JPT2: variants seen among roughly 807,000 people sequenced by gnomAD.
JPT2 encodes the protein CRAMP_1 like.
In JPT2, 9 loss-of-function variants were observed where a neutral mutation model predicts 15.9. That is an observed-to-expected ratio of 0.57 (90% CI 0.34 to 0.99). The LOEUF is 0.99. Among genes scored for constraint, JPT2 ranks in the 50% least tolerant of loss-of-function variants. JPT2 has a pLI of 0.02. For missense variants in JPT2, 267 were observed against 252.1 expected, an observed-to-expected ratio of 1.06 and a Z score of -0.40; for synonymous variants, 95 against 91.7, an observed-to-expected ratio of 1.04 and a Z score of -0.21.
chr16:1,689,635 G>GGT (rs1410230779), intron 2 of JPT2: 1 of 152,128 alleles, frequency 6.6e-6, no homozygotes, highest in Non-Finnish European at 1.5e-5. Context: ...TAGAGACAAG[G>GGT]TCTCACTTGT....
intron 3 of JPT2, chr16:1,692,276 G>A: frequency 2.4e-6 from 1 of 416,728 alleles, no homozygotes; most frequent in Non-Finnish European, 4.4e-6. Flanking sequence ...GGGGCGCGGA[G>A]AAGCGGTGGG....
intron 4 of JPT2, 86 bp downstream of exon 4, chr16:1,697,946 A>G (rs1426712415): frequency 1.0e-5 from 13 of 1,274,444 alleles, no homozygotes; most frequent in Middle Eastern, 1.9e-4. Flanking sequence ...AATGAAAAGG[A>G]GTCTTTCTTT....
chr16:1,698,250 G>A lies in JPT2; in HGVS notation c.385+390G>A, dbSNP rs747733246. The stretch of plus-strand genomic sequence containing the variant: ...GGGTGTCTCCATGGTGAGTCACCCC[G>A]GGGGAGTGAGCCACTGCTCAGGTTG... On this transcript the variant is annotated intron_variant, in intron 4 of 4. Coordinates refer to ENST00000248098, the MANE Select transcript of JPT2 (RefSeq NM_144570.3). This position sits in a 1 kb window ranked among gnomAD's most constrained non-coding sequence, Gnocchi z 4.9. Among the ~76,000 whole-genome samples, 5 of 152,182 alleles carry A rather than the reference G, an allele frequency of 3.3e-5. No individual in the cohort carries two copies. The highest frequency in any genetic ancestry group is 2.1e-4 in the South Asian group (1 of 4,828).
At chr16:1,689,272 A>T (rs2037088481) in intron 2 of JPT2, 1 of 151,548 alleles carries the variant, frequency 6.6e-6, no homozygotes, top group South Asian at 2.1e-4. Context: ...AGCCAGGAAC[A>T]TTGCAGTGGG....
rs200551623 is a variant in JPT2 at position 1,698,986 on chromosome 16, C to T, written c.561C>T (p.Ile187=). ...VLNPPGGKSS[I]SFY ...ACCCACCGGGAGGCAAATCCAGCAT[C>T]TCCTTCTACTAAGAGAAGCCACTGC... is the stretch of plus-strand genomic sequence containing the variant. Residue 187 remains isoleucine, a synonymous_variant, in exon 5 of 5, where the codon ATC becomes ATT. Coordinates refer to ENST00000248098, the MANE Select transcript of JPT2 (RefSeq NM_144570.3). The surrounding 1 kb of genome is among the most constrained non-coding windows in gnomAD (Gnocchi z 4.9). 6.8e-6 allele frequency: 11 copies of T among 1,612,526 alleles called. No homozygotes were observed. In the East Asian group the frequency reaches 2.0e-4, roughly 29 times the overall value.
At chr16:1,691,643 G>A (rs2037104007) in intron 2 of JPT2, among the ~76,000 whole-genome samples, 200 bp from the exon 3 acceptor site, 1 of 152,124 alleles carries the variant, frequency 6.6e-6, no homozygotes, top group Non-Finnish European at 1.5e-5. Flanking sequence ...CTGCAGGCAG[G>A]CCCCTGATCC....
chr16:1,694,099 G>T (rs1458969278), intron 3 of JPT2, among the ~76,000 whole-genome samples: 1 of 152,128 alleles, frequency 6.6e-6, no homozygotes, highest in Admixed American at 6.5e-5. Flanking sequence ...TTGAAAGAAA[G>T]TTCCCTTTTA....
chr16:1,683,352 C>T (rs2037039512), intron 1 of JPT2, among the ~76,000 whole-genome samples: 1 of 152,164 alleles, frequency 6.6e-6, no homozygotes, highest in South Asian at 2.1e-4. Flanking sequence ...CTCAAACAGT[C>T]CTCCCACCTC....
At chr16:1,681,995 G>A (rs903087845) in intron 1 of JPT2, among the ~76,000 whole-genome samples, 3 of 152,202 alleles carry the variant, frequency 2.0e-5, no homozygotes, top group African/African-American at 4.8e-5. Context: ...AGTTCAGTTC[G>A]AAAGATTGCA....
Position 1,685,468 on chromosome 16 carries a change from G to C in JPT2, c.74G>C (p.Ser25Thr), listed in dbSNP as rs762874427. 1 of 1,614,136 alleles carries C rather than the reference G, an allele frequency of 6.2e-7. No individual in the cohort carries two copies. Among genetic ancestry groups the C allele is most frequent in the African/African-American group, 1.3e-5 (1 of 75,022 alleles). Residue 25 changes from serine to threonine, a missense_variant, in exon 2 of 5, where the codon AGC (serine) becomes ACC (threonine). Ser to Thr is a moderately conservative substitution (Grantham distance 58, BLOSUM62 1). Coordinates refer to ENST00000248098, the MANE Select transcript of JPT2 (RefSeq NM_144570.3). ...RAMKPPGGES[S>T]NLFGSPEEAT... The stretch of plus-strand genomic sequence containing the variant: ...ATGAAGCCCCCAGGAGGAGAATCGA[G>C]CAATCTTTTTGGAAGTCCAGAAGAA...
Position 1,701,059 on chromosome 16 carries a change from A to G in JPT2, c.*2061A>G, listed in dbSNP as rs1459949195. ...TGCGAGGCAGTGGGGTGGGATTCAG[A>G]GTGCTTAGTCTGCTCACTGGGAGAA... On this transcript the variant is annotated 3_prime_UTR_variant, in exon 5 of 5. Coordinates refer to ENST00000248098, the MANE Select transcript of JPT2 (RefSeq NM_144570.3). 2.0e-5 allele frequency: 3 copies of G among 152,218 alleles called. No homozygotes were observed. The highest frequency in any genetic ancestry group is 4.4e-5 in the Non-Finnish European group (3 of 68,054). 9.4% of individuals were successfully genotyped at this position (152,218 alleles called of 1,614,324 possible).
At chr16:1,682,667 C>T (rs995586445) in intron 1 of JPT2, among the ~76,000 whole-genome samples, 1 of 148,954 alleles carries the variant, frequency 6.7e-6, no homozygotes, top group African/African-American at 2.5e-5. Flanking sequence ...AGCGAGATTT[C>T]GTCTCAAAAA....
chr16:1,697,398 C>T (rs1279074436), intron 3 of JPT2, among the ~76,000 whole-genome samples: 1 of 151,782 alleles, frequency 6.6e-6, no homozygotes, highest in African/African-American at 2.4e-5. Flanking sequence ...CTGTAGTCCC[C>T]ACTACTCGGG....
At chr16:1,692,287 G>A (rs2037109502) in intron 3 of JPT2, 1 of 380,212 alleles carries the variant, frequency 2.6e-6, no homozygotes, top group Non-Finnish European at 4.8e-6. Context: ...AAGCGGTGGG[G>A]AGCGGAACGT....
chr16:1,692,429 T>C (rs58979170), intron 3 of JPT2: 3,692 of 182,688 alleles, frequency 0.02, 186 homozygotes, highest in African/African-American at 0.081. Flanking sequence ...CTGTGGAGAT[T>C]GTCAGCACTT....
intron 3 of JPT2, among the ~76,000 whole-genome samples, chr16:1,697,114 C>G (rs565811484): frequency 6.6e-6 from 1 of 152,204 alleles, no homozygotes; most frequent in Non-Finnish European, 1.5e-5. Context: ...TGGAATATTA[C>G]TCAGCCATAG....
chr16:1,683,121 C>A (rs753284554), intron 1 of JPT2, among the ~76,000 whole-genome samples: 15 of 152,190 alleles, frequency 9.9e-5, no homozygotes, highest in Non-Finnish European at 1.8e-4. Context: ...GGACTACAGG[C>A]GTCCGCCACC....
Position 1,692,065 on chromosome 16 carries a change from G to A in JPT2, c.336+80G>A, listed in dbSNP as rs532023992. ...TCCAAAAAGGCTCCAAGGCAGATGC[G>A]ACATGTTTTTAGGGAGAATCATGGT... On this transcript the variant is annotated intron_variant, in intron 3 of 4. Coordinates refer to ENST00000248098, the MANE Select transcript of JPT2 (RefSeq NM_144570.3). The A allele has an allele frequency of 3.2e-6, 5 of 1,543,684 alleles. No homozygotes were observed. The East Asian group carries it at 1.1e-4, about 35-fold the overall frequency.
intron 1 of JPT2, among the ~76,000 whole-genome samples, chr16:1,678,825 G>GC (rs1199779500): frequency 6.6e-6 from 1 of 152,200 alleles, no homozygotes; most frequent in African/African-American, 2.4e-5. Context: ...GTCTGGCCAT[G>GC]CCCCCGCTCC....
Sources: gnomAD v4.1 joint callset for allele counts (sites outside exome capture counted in the v4.1 genomes callset) on GRCh38, gnomAD v4.1.1 for gene constraint, Gnocchi (gnomAD v3.1) non-coding constraint, MANE v1.5 for transcripts, NCBI Gene and HGNC (gene_info 2026-07-23, HGNC 2026-07-21) for gene names.